Variants in PPP4R4 observed in about 807,000 individuals in gnomAD.
PPP4R4 encodes protein phosphatase 4 regulatory subunit 4.
PPP4R4 carries 70 observed loss-of-function variants against 121.8 expected under a neutral mutation model. The observed-to-expected ratio is 0.57, with a 90% CI of 0.47 to 0.70. The LOEUF (loss-of-function observed/expected upper bound fraction) is 0.70. PPP4R4 is among the 30% of genes least tolerant of loss of function. PPP4R4 has a pLI of 0.00. For synonymous variants in PPP4R4, 348 were observed against 355.7 expected, an observed-to-expected ratio of 0.98 and a Z score of 0.24; for missense variants, 875 against 1,033.6, an observed-to-expected ratio of 0.85 and a Z score of 2.10.
At chr14:94,230,792 A>G in intron 4 of PPP4R4, 58 bp downstream of exon 4, 2 of 1,498,550 alleles carry the variant, frequency 1.3e-6, no homozygotes, top group Non-Finnish European at 1.8e-6. Flanking sequence ...GTGTATGGCC[A>G]TGATATTATA....
rs1297594165 is a variant in PPP4R4, at chr14:94,176,202, A to G, written c.191+75A>G. The G allele has an allele frequency of 5.6e-6, 7 of 1,240,212 alleles. No individual in the cohort carries two copies. The Admixed American group carries it at 1.0e-4, about 18-fold the overall frequency. The allele number at this position is 1,240,212 out of a possible 1,614,324, so 76.8% of individuals were successfully genotyped here. A position where few individuals can be genotyped will look rare whatever the true frequency, so the allele number is the denominator to read the frequency against. On this transcript the variant is annotated intron_variant, in intron 2 of 24. Coordinates refer to ENST00000304338, the MANE Select transcript of PPP4R4 (RefSeq NM_058237.2). ...CAGAGATGAATGCTTTCTAAAATGT[A>G]TGTTCGCGTTATGTTCAGATTTACT...
chr14:94,204,366 A>G (rs1890351822), intron 2 of PPP4R4, among the ~76,000 whole-genome samples: 1 of 152,072 alleles, frequency 6.6e-6, no homozygotes, highest in East Asian at 1.9e-4. Flanking sequence ...TTGTCTCTGC[A>G]CTGTTGCCAA....
intron 3 of PPP4R4, among the ~76,000 whole-genome samples, chr14:94,224,419 G>T (rs1489082099): frequency 6.6e-6 from 1 of 152,176 alleles, no homozygotes; most frequent in Non-Finnish European, 1.5e-5. Context: ...AACCTTCAAA[G>T]TAGCTTGGAC....
At chr14:94,179,434 T>A (rs12436510) in intron 2 of PPP4R4, among the ~76,000 whole-genome samples, 14,157 of 152,256 alleles carry the variant, frequency 0.093, 809 homozygotes, top group South Asian at 0.15. Flanking sequence ...AGTATTCTAC[T>A]GTATGGATAT....
In PPP4R4 at chr14:94,275,242, G is replaced by T. The variant is rs148262540; in HGVS notation, c.2450-132G>T. On this transcript the variant is annotated intron_variant, in intron 23 of 24. Transcript: ENST00000304338. ...AAACCTTAACTTTTTGCAGTTTGTT[G>T]TATGTAAATTATACCCTCATAAAAT... 1.0e-3 allele frequency: 1,007 copies of T among 1,003,104 alleles called. 5 individuals carry two copies. The African/African-American group carries it at 0.015, about 15-fold the overall frequency. 62.1% of individuals were successfully genotyped at this position (1,003,104 alleles called of 1,614,324 possible).
chr14:94,214,502 A>G (rs1436596628), intron 3 of PPP4R4, among the ~76,000 whole-genome samples: 4 of 144,870 alleles, frequency 2.8e-5, no homozygotes, highest in Non-Finnish European at 4.5e-5. Context: ...CCTTGCCTCT[A>G]AAAAACAAAA....
At chr14:94,209,014 G>C (rs1890606034) in intron 3 of PPP4R4, among the ~76,000 whole-genome samples, 1 of 151,880 alleles carries the variant, frequency 6.6e-6, no homozygotes, top group Admixed American at 6.6e-5. Context: ...CACAATTTTA[G>C]ATGTGTATGT....
chr14:94,262,997 A>G (rs558375903), intron 19 of PPP4R4, among the ~76,000 whole-genome samples: 2 of 152,136 alleles, frequency 1.3e-5, no homozygotes, highest in South Asian at 4.1e-4. Flanking sequence ...TGAATTGTTG[A>G]TGCTTCTTTA....
At chr14:94,238,604 G>A (rs1892466770) in intron 8 of PPP4R4, among the ~76,000 whole-genome samples, 1 of 152,164 alleles carries the variant, frequency 6.6e-6, no homozygotes, top group African/African-American at 2.4e-5. Context: ...ACAGTTAACT[G>A]CTCTACTGAA....
At chr14:94,255,765 A>G (rs1050319769) in intron 16 of PPP4R4, among the ~76,000 whole-genome samples, 1 of 152,206 alleles carries the variant, frequency 6.6e-6, no homozygotes, top group African/African-American at 2.4e-5. Flanking sequence ...ATTTCAACAC[A>G]GTAGACAGAT....
intron 2 of PPP4R4, among the ~76,000 whole-genome samples, chr14:94,178,194 A>G (rs1473893012): frequency 6.6e-6 from 1 of 152,088 alleles, no homozygotes; most frequent in Non-Finnish European, 1.5e-5. Flanking sequence ...TCTCTCATGT[A>G]TTGAGCCTGC....
chr14:94,197,939 T>G (rs980531730), intron 2 of PPP4R4, among the ~76,000 whole-genome samples: 2 of 152,230 alleles, frequency 1.3e-5, no homozygotes, highest in African/African-American at 4.8e-5. Context: ...AATTTGATTA[T>G]CCACTTGTTA....
chr14:94,231,128 G>A, intron 4 of PPP4R4, 114 bp from the exon 5 acceptor site: 2 of 794,562 alleles, frequency 2.5e-6, no homozygotes, highest in South Asian at 2.6e-5. Context: ...GAATAGTAAT[G>A]AAAATAATTA....
At chr14:94,263,504 G>T (rs74074191) in intron 19 of PPP4R4, among the ~76,000 whole-genome samples, 1 of 152,054 alleles carries the variant, frequency 6.6e-6, no homozygotes, top group Admixed American at 6.6e-5. Context: ...AAGAATTTGT[G>T]TGACTAAAGT....
At position 94,258,784 on chromosome 14, in the gene PPP4R4, C is replaced by A; in HGVS notation, c.2012C>A (p.Thr671Asn). ...DKDVLAIVKR[T>N]VLELDRMEMS... The stretch of plus-strand genomic sequence containing the variant: ...TAATTTTAAAAACTTTCCTTATAGA[C>A]TGTATTAGAGTTGGACAGAATGGAA... Residue 671 changes from threonine (T) to asparagine (N), a missense_variant and splice_region_variant, in exon 18 of 25, where the codon ACT (threonine) becomes AAT (asparagine). Physicochemically the swap from Thr to Asn is moderately conservative, Grantham distance 65 (BLOSUM62 0). Coordinates refer to ENST00000304338, the MANE Select transcript of PPP4R4 (RefSeq NM_058237.2). 2 of 1,568,256 alleles carry A rather than the reference C, an allele frequency of 1.3e-6. No homozygotes were observed. The highest frequency in any genetic ancestry group is 2.2e-5 in the East Asian group (1 of 44,610).
intron 17 of PPP4R4, among the ~76,000 whole-genome samples, chr14:94,257,006 C>G (rs1893510133): frequency 6.6e-6 from 1 of 152,068 alleles, no homozygotes; most frequent in African/African-American, 2.4e-5. Context: ...TGAGTTAATT[C>G]AGGGGTCTGT....
chr14:94,190,140 A>G (rs998885354), intron 2 of PPP4R4, among the ~76,000 whole-genome samples: 1 of 150,660 alleles, frequency 6.6e-6, no homozygotes, highest in African/African-American at 2.5e-5. Context: ...TAGCCTCTCT[A>G]GTAGCTGGGA....
At chr14:94,213,993 C>T (rs1890884109) in intron 3 of PPP4R4, among the ~76,000 whole-genome samples, 1 of 152,212 alleles carries the variant, frequency 6.6e-6, no homozygotes, top group African/African-American at 2.4e-5. Flanking sequence ...GTGACCTCAT[C>T]ATCTGCCAGT....
chr14:94,214,208 T>C (rs1215258228), intron 3 of PPP4R4, among the ~76,000 whole-genome samples: 1 of 152,166 alleles, frequency 6.6e-6, no homozygotes, highest in East Asian at 1.9e-4. Flanking sequence ...ATGGCATTCT[T>C]GGATGAGAAG....
Sources: allele counts gnomAD v4.1 joint callset (sites outside exome capture counted in the v4.1 genomes callset), GRCh38; gene constraint gnomAD v4.1.1; transcripts MANE v1.5; gene names NCBI Gene and HGNC (gene_info 2026-07-23, HGNC 2026-07-21).